The following PCSK1 variants were observed in gnomAD, a reference collection of about 807,000 sequenced individuals.
PCSK1 encodes the protein neuroendocrine convertase 1.
In PCSK1, 56 loss-of-function variants were observed where a neutral mutation model predicts 90.6. That is an observed-to-expected ratio of 0.62 (90% confidence interval 0.50 to 0.77). The LOEUF (loss-of-function observed/expected upper bound fraction) is 0.77, where lower values mean the gene tolerates loss of function less well. PCSK1 is among the 30% of genes least tolerant of loss of function. The pLI is 0.00. For synonymous variants in PCSK1, 348 were observed against 342.4 expected (o/e 1.02, Z -0.18); for missense variants, 801 against 932.6 (o/e 0.86, Z 1.84).
intron 1 of PCSK1, among the ~76,000 whole-genome samples, chr5:96,432,656 T>C (rs1014925630): frequency 2.0e-5 from 3 of 152,202 alleles, no homozygotes; most frequent in Admixed American, 2.0e-4. Context: ...GGCTTCCTTC[T>C]GCTTGGCTGC....
chr5:96,410,793 T>A lies in PCSK1; in HGVS notation c.1076A>T (p.Asp359Val). 6.2e-7 allele frequency: 1 copy of A among 1,613,830 alleles called. No homozygotes were observed. Among genetic ancestry groups the A allele is most frequent in the Middle Eastern group, 1.6e-4 (1 of 6,062 alleles). The change falls in exon 8 of 14, where the codon GAT (aspartate) becomes GTT (valine). Residue 359 changes from aspartate (D) to valine (V), a missense_variant. Coordinates refer to ENST00000311106, the MANE Select transcript of PCSK1 (RefSeq NM_000439.5). ...ACATACGATTCTCTGGTCGGTGTAATCTCCGCTGCTGTAAGAGGTGGCCAG... is the reference window on the plus strand; with the variant it reads ...ACATACGATTCTCTGGTCGGTGTAAACTCCGCTGCTGTAAGAGGTGGCCAG... Reference protein sequence around the residue: ...STLATSYSSGDYTDQRITSAD... With the variant: ...STLATSYSSGVYTDQRITSAD...
chr5:96,422,046 A>G (rs1580764749), intron 4 of PCSK1, 90 bp from the exon 5 acceptor site: 5 of 757,986 alleles, frequency 6.6e-6, no homozygotes, highest in East Asian at 5.0e-5. Context: ...CTCTTACCCT[A>G]TGCCTTCCCA....
intron 5 of PCSK1, among the ~76,000 whole-genome samples, chr5:96,418,639 T>C (rs943748080): frequency 2.0e-5 from 3 of 152,208 alleles, no homozygotes; most frequent in Non-Finnish European, 4.4e-5. Flanking sequence ...AATTGGGGTA[T>C]AATACCTCTC....
intron 5 of PCSK1, among the ~76,000 whole-genome samples, chr5:96,418,746 A>C (rs1271919455): frequency 6.6e-6 from 1 of 152,168 alleles, no homozygotes; most frequent in Admixed American, 6.5e-5. Context: ...TCTACTTTTT[A>C]TTATACCTTC....
rs1277876373 is a variant in PCSK1 at position 96,400,132 on chromosome 5, A to G, written c.1251T>C (p.Tyr417=). 1 of 1,614,234 alleles carries G rather than the reference A, an allele frequency of 6.2e-7. No individual in the cohort carries two copies. Among genetic ancestry groups the G allele is most frequent in the Non-Finnish European group, 8.5e-7 (1 of 1,180,026 alleles). The stretch of plus-strand genomic sequence containing the variant: ...ATCCAGGGTTATTGGCCAGCGGGTC[A>G]TACTCAGAGGTCCAGACAACCAGGT... ...MQHLVVWTSE[Y]DPLANNPGWK... is the part of the protein sequence containing the mutation. The change falls in exon 10 of 14, where the codon TAT becomes TAC. Residue 417 remains tyrosine (Y), a synonymous_variant. Transcript: ENST00000311106.
At chr5:96,423,279 C>T (rs1761181999) in intron 4 of PCSK1, 34 bp downstream of exon 4, 10 of 1,586,568 alleles carry the variant, frequency 6.3e-6, no homozygotes, top group Non-Finnish European at 8.6e-6. Flanking sequence ...CAGACAGCTC[C>T]CTAAGTCACA....
At chr5:96,402,297 A>G (rs74639381) in intron 9 of PCSK1, among the ~76,000 whole-genome samples, 2,107 of 152,330 alleles carry the variant, frequency 0.014, 13 homozygotes, top group Non-Finnish European at 0.021. Flanking sequence ...CCCCATGCAG[A>G]CACAGTGTGC....
chr5:96,432,177 T>C lies in PCSK1; in HGVS notation c.180+686A>G. The stretch of plus-strand genomic sequence containing the variant: ...GACTGGCCGGGCAAAGTTATGAAGC[T>C]TGGACTTTATAAGTTCCCAGTGAAA... On this transcript the variant is annotated intron_variant, in intron 1 of 13. Coordinates refer to ENST00000311106, the MANE Select transcript of PCSK1 (RefSeq NM_000439.5). The C allele has an allele frequency of 2.0e-6, 3 of 1,517,588 alleles. No homozygotes were observed. The Admixed American group carries it at 5.9e-5, about 30-fold the overall frequency. The allele number at this position is 1,517,588 out of a possible 1,614,324, so 94.0% of individuals were successfully genotyped here. A position where few individuals can be genotyped will look rare whatever the true frequency, so the allele number is the denominator to read the frequency against.
intron 5 of PCSK1, among the ~76,000 whole-genome samples, 190 bp from the exon 6 acceptor site, chr5:96,416,311 T>C (rs1760937591): frequency 6.6e-6 from 1 of 152,212 alleles, no homozygotes; most frequent in African/African-American, 2.4e-5. Flanking sequence ...AGAGACAAAG[T>C]ATGTGATTTC....
chr5:96,423,213 T>G (rs1460160422), intron 4 of PCSK1, 100 bp downstream of exon 4: 1 of 1,169,908 alleles, frequency 8.5e-7, no homozygotes, highest in Non-Finnish European at 1.3e-6. Flanking sequence ...TCCCAGGGAC[T>G]GACACCAGAG....
chr5:96,400,513 A>G (rs184949148), intron 9 of PCSK1, among the ~76,000 whole-genome samples: 11 of 152,310 alleles, frequency 7.2e-5, no homozygotes, highest in African/African-American at 2.4e-4. Context: ...CTGAGCAAAC[A>G]TTTTAAATGG....
chr5:96,405,458 G>A (rs959791381), intron 9 of PCSK1, among the ~76,000 whole-genome samples: 7 of 152,170 alleles, frequency 4.6e-5, no homozygotes, highest in Admixed American at 1.3e-4. Context: ...ATCAGAGACT[G>A]AGATTAATGA....
At chr5:96,424,961 C>CAAA (rs58930420) in intron 3 of PCSK1, among the ~76,000 whole-genome samples, 28 of 94,764 alleles carry the variant, frequency 3.0e-4, no homozygotes, top group African/African-American at 1.2e-3. Context: ...AAAACTCTGT[C>CAAA]AAAAAAAAAA....
In PCSK1 at chr5:96,423,484, T is replaced by G. The variant is rs147925299; in HGVS notation, c.397-25A>C. On this transcript the variant is annotated intron_variant, in intron 3 of 13. Coordinates refer to ENST00000311106, the MANE Select transcript of PCSK1 (RefSeq NM_000439.5). ...GCTGGTAAAGAAAAACAACGAAGCA[T>G]TGATAAAATTATCATTTGCTTGCTA... 8 of 1,611,784 alleles carry G rather than the reference T, an allele frequency of 5.0e-6. No homozygotes were observed. The Admixed American group carries it at 1.0e-4, about 20-fold the overall frequency.
At chr5:96,413,617 T>C (rs1760842451) in intron 6 of PCSK1, among the ~76,000 whole-genome samples, 1 of 150,034 alleles carries the variant, frequency 6.7e-6, no homozygotes, top group Non-Finnish European at 1.5e-5. Context: ...CTGGCCAACA[T>C]GGAGAAACCC....
chr5:96,405,515 G>A (rs1285784870), intron 9 of PCSK1, among the ~76,000 whole-genome samples: 1 of 152,018 alleles, frequency 6.6e-6, no homozygotes, highest in South Asian at 2.1e-4. Flanking sequence ...AAAAAAGAAG[G>A]ATCAAATTAG....
At chr5:96,397,514 A>G in intron 11 of PCSK1, 45 bp from the exon 12 acceptor site, 1 of 1,533,598 alleles carries the variant, frequency 6.5e-7, no homozygotes, top group Non-Finnish European at 9.0e-7. Context: ...TAGCTCTGAT[A>G]GTAGGATACA....
chr5:96,413,530 T>C (rs1760839598), intron 6 of PCSK1, among the ~76,000 whole-genome samples: 2 of 152,200 alleles, frequency 1.3e-5, no homozygotes, highest in East Asian at 3.9e-4. Context: ...CCAGGCGCAG[T>C]GGCTCATGCC....
intron 4 of PCSK1, among the ~76,000 whole-genome samples, chr5:96,422,817 T>A (rs1761168763): frequency 6.6e-6 from 1 of 152,234 alleles, no homozygotes; most frequent in Admixed American, 6.5e-5. Flanking sequence ...TTTATTTATT[T>A]TCCCATTTCT....
Sources: gnomAD v4.1 joint callset for allele counts (sites outside exome capture counted in the v4.1 genomes callset) on GRCh38, gnomAD v4.1.1 for gene constraint, MANE v1.5 for transcripts, NCBI Gene and HGNC (gene_info 2026-07-23, HGNC 2026-07-21) for gene names.